The following SGCZ variants were observed in gnomAD, a reference collection of about 807,000 sequenced individuals.
SGCZ encodes the protein sarcoglycan zeta.
In SGCZ, 40 loss-of-function variants were observed where a neutral mutation model predicts 41.3. The observed-to-expected ratio is 0.97, with a 90% CI of 0.75 to 1.26. The LOEUF is 1.26. Ranked by LOEUF, SGCZ falls within the 50% of genes most tolerant of loss-of-function variation. The probability of loss-of-function intolerance (pLI) is 0.00; values close to 1 mark genes in which losing one functional copy is unlikely to be tolerated. For synonymous variants in SGCZ, 206 were observed against 137.5 expected (o/e 1.50, Z -3.49); for missense variants, 552 against 369.8 (o/e 1.49, Z -4.04).
intron 2 of SGCZ, among the ~76,000 whole-genome samples, chr8:14,403,727 G>C (rs1799138876): frequency 6.6e-6 from 1 of 152,050 alleles, no homozygotes; most frequent in South Asian, 2.1e-4. Context: ...AACAATTTCT[G>C]TCTTTTTTCT....
chr8:15,087,022 T>A (rs914018371), intron 1 of SGCZ, among the ~76,000 whole-genome samples: 4 of 152,170 alleles, frequency 2.6e-5, no homozygotes, highest in African/African-American at 9.6e-5. Context: ...GGATTTGAAT[T>A]CACACATGAG....
At chr8:14,504,389 T>G (rs554140391) in intron 2 of SGCZ, among the ~76,000 whole-genome samples, 1 of 152,350 alleles carries the variant, frequency 6.6e-6, no homozygotes, top group East Asian at 1.9e-4. Context: ...AAGGAAACCT[T>G]CATAAAACCA....
intron 1 of SGCZ, among the ~76,000 whole-genome samples, chr8:14,839,227 T>C (rs1802814257): frequency 6.6e-6 from 1 of 151,596 alleles, no homozygotes; most frequent in Non-Finnish European, 1.5e-5. Flanking sequence ...TGATATGGGG[T>C]ATAGAAAGAG....
intron 5 of SGCZ, among the ~76,000 whole-genome samples, chr8:14,112,337 G>C (rs755855797): frequency 2.7e-5 from 4 of 150,788 alleles, no homozygotes; most frequent in Non-Finnish European, 5.9e-5. Context: ...AACATGATGT[G>C]AAAGAGCAAC....
intron 3 of SGCZ, among the ~76,000 whole-genome samples, chr8:14,261,451 AATAT>A (rs1237252656): frequency 6.6e-6 from 1 of 152,122 alleles, no homozygotes; most frequent in Non-Finnish European, 1.5e-5. Context: ...AGGTCGAGGT[AATAT>A]ATATCACCAA....
intron 5 of SGCZ, among the ~76,000 whole-genome samples, chr8:14,116,371 C>T (rs1480443133): frequency 1.3e-5 from 2 of 152,058 alleles, no homozygotes; most frequent in Non-Finnish European, 2.9e-5. Context: ...ATCTAAGAGA[C>T]TTTAAAACAT....
intron 3 of SGCZ, among the ~76,000 whole-genome samples, chr8:14,254,098 C>A (rs1453734862): frequency 6.6e-6 from 1 of 151,928 alleles, no homozygotes; most frequent in East Asian, 1.9e-4. Context: ...AATCCATTAA[C>A]AGAACTGAAG....
chr8:14,548,521 C>T (rs1803701803), intron 2 of SGCZ, among the ~76,000 whole-genome samples: 2 of 152,082 alleles, frequency 1.3e-5, no homozygotes. Context: ...GCATGAGGTT[C>T]TGAATTTTAA....
chr8:14,629,907 G>A (rs115927932), intron 1 of SGCZ, among the ~76,000 whole-genome samples: 3,641 of 152,146 alleles, frequency 0.024, 82 homozygotes, highest in African/African-American at 0.062. Context: ...TCAAGCAAAG[G>A]CCTAAAGAGT....
chr8:14,710,369 C>CAAAAAAA (rs770994264), intron 1 of SGCZ, among the ~76,000 whole-genome samples: 10 of 92,400 alleles, frequency 1.1e-4, no homozygotes, highest in Non-Finnish European at 2.2e-4. Flanking sequence ...GACTCCGCAT[C>CAAAAAAA]AAAAAAAAAA....
chr8:14,444,603 A>G (rs151037012), intron 2 of SGCZ, among the ~76,000 whole-genome samples: 5,694 of 146,144 alleles, frequency 0.039, 169 homozygotes, highest in African/African-American at 0.076. Flanking sequence ...ACAGGTGGGA[A>G]TTGAAAAATG....
In SGCZ at chr8:15,008,129, G is replaced by T. The variant is rs1462712130; in HGVS notation, c.39+229456C>A. Among the ~76,000 whole-genome samples, 5 of 152,030 alleles carry T rather than the reference G, an allele frequency of 3.3e-5. No homozygotes were observed. The East Asian group carries it at 5.8e-4, about 18-fold the overall frequency. On this transcript the variant is annotated intron_variant, in intron 1 of 7. Transcript: ENST00000382080. ...TCTTATCAAAATAATCTTCAAGAAG[G>T]ATATTATCCCATTTTCTCTCTCTTT...
intron 4 of SGCZ, among the ~76,000 whole-genome samples, chr8:14,212,388 C>A (rs112063669): frequency 5.0e-3 from 749 of 149,194 alleles, no homozygotes; most frequent in Non-Finnish European, 7.9e-3. Flanking sequence ...CACGTAACAC[C>A]AGAAGGCATC....
chr8:15,206,329 G>C (rs777293740), intron 1 of SGCZ, among the ~76,000 whole-genome samples: 4 of 152,060 alleles, frequency 2.6e-5, no homozygotes, highest in Non-Finnish European at 4.4e-5. Context: ...TTTCTAGGAA[G>C]GGCACCATCA....
At chr8:14,340,086 G>T (rs889032011) in intron 2 of SGCZ, among the ~76,000 whole-genome samples, 2 of 152,098 alleles carry the variant, frequency 1.3e-5, no homozygotes, top group African/African-American at 4.8e-5. Flanking sequence ...AAAATCTGCT[G>T]AAGATATGGT....
intron 1 of SGCZ, among the ~76,000 whole-genome samples, chr8:15,022,249 A>T (rs1036846656): frequency 6.6e-6 from 1 of 152,226 alleles, no homozygotes; most frequent in Admixed American, 6.5e-5. Context: ...GTAGGTGAAT[A>T]TTTTAATCAT....
chr8:14,470,920 C>G (rs1361288922), intron 2 of SGCZ, among the ~76,000 whole-genome samples: 1 of 152,108 alleles, frequency 6.6e-6, no homozygotes, highest in Non-Finnish European at 1.5e-5. Context: ...ACTTGCTTAT[C>G]AGATCTTTAG....
intron 1 of SGCZ, among the ~76,000 whole-genome samples, chr8:15,006,684 G>A (rs928436627): frequency 6.6e-6 from 1 of 152,114 alleles, no homozygotes; most frequent in African/African-American, 2.4e-5. Context: ...ATCCACCAAT[G>A]GTGGGATCTG....
intron 1 of SGCZ, among the ~76,000 whole-genome samples, chr8:15,151,877 T>C (rs11997676): frequency 0.058 from 8,879 of 152,222 alleles, 420 homozygotes; most frequent in African/African-American, 0.13. Flanking sequence ...AGAGAACTCT[T>C]GATTCTAATA....
Sources: gnomAD v4.1 joint callset for allele counts (sites outside exome capture counted in the v4.1 genomes callset) on GRCh38, gnomAD v4.1.1 for gene constraint, MANE v1.5 for transcripts, NCBI Gene and HGNC (gene_info 2026-07-23, HGNC 2026-07-21) for gene names.